Variants in TMEM131L observed in about 807,000 individuals in gnomAD.
TMEM131L encodes transmembrane 131 like.
Under a neutral mutation model 192.2 loss-of-function variants are expected in TMEM131L, and 54 were observed. The observed-to-expected ratio is 0.28, with a 90% confidence interval of 0.23 to 0.35. The LOEUF (loss-of-function observed/expected upper bound fraction) is 0.35, where lower values mean the gene tolerates loss of function less well. Ranked by LOEUF, TMEM131L falls within the 10% of genes least tolerant of loss-of-function variation. The pLI is 1.00. For synonymous variants in TMEM131L, 701 were observed against 704.9 expected (o/e 0.99, Z 0.09); for missense variants, 1,888 against 1,972.9 (o/e 0.96, Z 0.82).
chr4:153,514,844 G>A (rs968222415), intron 3 of TMEM131L, among the ~76,000 whole-genome samples: 3 of 150,666 alleles, frequency 2.0e-5, no homozygotes, highest in Non-Finnish European at 4.4e-5. Flanking sequence ...ATGGAGTCTC[G>A]CTCTGTCCCC....
intron 7 of TMEM131L, among the ~76,000 whole-genome samples, chr4:153,573,164 C>T (rs773163429): frequency 6.6e-6 from 1 of 152,354 alleles, no homozygotes; most frequent in Non-Finnish European, 1.5e-5. Flanking sequence ...TGAGTCCCTG[C>T]TGTCACTTTT....
chr4:153,500,808 C>T (rs1409863740), intron 3 of TMEM131L, among the ~76,000 whole-genome samples: 6 of 152,134 alleles, frequency 3.9e-5, no homozygotes, highest in South Asian at 2.1e-4. Flanking sequence ...CTCACACACG[C>T]GTGCATGCAC....
In TMEM131L at chr4:153,602,797, G is replaced by A. The variant is rs1047875783; in HGVS notation, c.2639+70G>A. 48 of 1,368,736 alleles carry A rather than the reference G, an allele frequency of 3.5e-5. No individual in the cohort carries two copies. The African/African-American group carries it at 5.1e-4, about 14-fold the overall frequency. 84.8% of individuals were successfully genotyped at this position (1,368,736 alleles called of 1,614,324 possible). ...TCATCCAGGCAAGTTGTGTGAAAAC[G>A]TGAACTGCCCGAGTGTAGTCAAAGT... On this transcript the variant is annotated intron_variant, in intron 23 of 34. Transcript: ENST00000409959.
intron 3 of TMEM131L, among the ~76,000 whole-genome samples, chr4:153,511,007 C>T (rs187620580): frequency 8.9e-4 from 135 of 152,162 alleles, no homozygotes; most frequent in African/African-American, 3.2e-3. Flanking sequence ...GACCTTTTTC[C>T]AAGGAATGCT....
chr4:153,466,555 T>C, intron 1 of TMEM131L, 34 bp downstream of exon 1: 1 of 1,289,546 alleles, frequency 7.8e-7, no homozygotes, highest in Non-Finnish European at 9.9e-7. Context: ...GCTCTGCCTC[T>C]CCACCCCGCC....
chr4:153,603,244 A>G (rs1731972588), intron 23 of TMEM131L, 59 bp from the exon 24 acceptor site: 3 of 1,427,960 alleles, frequency 2.1e-6, no homozygotes, highest in African/African-American at 2.9e-5. Flanking sequence ...TAATGAAACT[A>G]GTCTTTTGAA....
Position 153,593,863 on chromosome 4 carries a change from C to G in TMEM131L, c.1987C>G (p.Pro663Ala). ...TGEFQLTEAC[P>A]YLGTHSEESR... ...TGAATTCCAGCTCACCGAAGCTTGCCCTTACCTGGTAGGATGTTATCCTAA... is the reference window on the plus strand; with the variant it reads ...TGAATTCCAGCTCACCGAAGCTTGCGCTTACCTGGTAGGATGTTATCCTAA... The change falls in exon 19 of 35, where the codon CCT becomes GCT. Residue 663 changes from proline (P) to alanine (A), a missense_variant. By Grantham distance (27) the Pro-to-Ala change is conservative. Coordinates refer to ENST00000409959, the MANE Select transcript of TMEM131L (RefSeq NM_001131007.2). 1 of 1,610,452 alleles carries G rather than the reference C, an allele frequency of 6.2e-7. No individual in the cohort carries two copies. Among genetic ancestry groups the G allele is most frequent in the Non-Finnish European group, 8.5e-7 (1 of 1,176,754 alleles).
intron 3 of TMEM131L, among the ~76,000 whole-genome samples, chr4:153,546,878 G>C (rs1737217299): frequency 6.6e-6 from 1 of 152,242 alleles, no homozygotes; most frequent in Non-Finnish European, 1.5e-5. Context: ...AGTGAGCCGA[G>C]TTCATGCTAT....
At chr4:153,625,832 C>T (rs746643431) in intron 29 of TMEM131L, among the ~76,000 whole-genome samples, 4 of 151,496 alleles carry the variant, frequency 2.6e-5, no homozygotes, top group South Asian at 2.1e-4. Flanking sequence ...TGGTTGAACC[C>T]GGGAGGTGGA....
At chr4:153,478,879 G>A (rs1364142986) in intron 3 of TMEM131L, among the ~76,000 whole-genome samples, 2 of 148,970 alleles carry the variant, frequency 1.3e-5, no homozygotes, top group Non-Finnish European at 2.9e-5. Context: ...GCTTAATGAA[G>A]GTCAGGTGGA....
At chr4:153,619,618 T>C (rs1733245287) in intron 26 of TMEM131L, among the ~76,000 whole-genome samples, 1 of 152,272 alleles carries the variant, frequency 6.6e-6, no homozygotes, top group Non-Finnish European at 1.5e-5. Flanking sequence ...TACTGTGGTG[T>C]GCACATTGCT....
At chr4:153,495,456 C>T (rs576023687) in intron 3 of TMEM131L, among the ~76,000 whole-genome samples, 1 of 152,198 alleles carries the variant, frequency 6.6e-6, no homozygotes, top group South Asian at 2.1e-4. Flanking sequence ...CATGAGACAT[C>T]AATGAGTAGG....
intron 3 of TMEM131L, among the ~76,000 whole-genome samples, chr4:153,514,445 G>A (rs1734570618): frequency 6.6e-6 from 1 of 152,198 alleles, no homozygotes; most frequent in African/African-American, 2.4e-5. Context: ...AGGAGGGCAT[G>A]TTTTGGTTTT....
At chr4:153,540,150 A>G (rs1305131226) in intron 3 of TMEM131L, among the ~76,000 whole-genome samples, 1 of 151,122 alleles carries the variant, frequency 6.6e-6, no homozygotes, top group Non-Finnish European at 1.5e-5. Flanking sequence ...AAACCCCAAA[A>G]CAAAAAACAT....
In TMEM131L at chr4:153,629,599, C is replaced by G. The variant is rs556065481; in HGVS notation, c.4207+1912C>G. ...TCCTTAGAAGAATTATGTGAGTTGC[C>G]CATTCAAATTCCTCTCCTCCCTGGA... On this transcript the variant is annotated intron_variant, in intron 31 of 34. Transcript: ENST00000409959. Among the ~76,000 whole-genome samples the G allele has an allele frequency of 7.9e-5, 12 of 152,270 alleles. No homozygotes were observed. The South Asian group carries it at 2.5e-3, about 32-fold the overall frequency.
intron 4 of TMEM131L, among the ~76,000 whole-genome samples, chr4:153,551,775 T>C (rs1375197905): frequency 6.6e-6 from 1 of 152,202 alleles, no homozygotes; most frequent in Non-Finnish European, 1.5e-5. Flanking sequence ...TTTTTTGAGT[T>C]TTTATATTTT....
chr4:153,566,196 C>T (rs927095560), intron 7 of TMEM131L, among the ~76,000 whole-genome samples: 8 of 151,186 alleles, frequency 5.3e-5, no homozygotes, highest in East Asian at 3.9e-4. Flanking sequence ...AGTGCAGTGG[C>T]GCAATCTCGG....
At chr4:153,567,230 GAGATAAC>G (rs991323333) in intron 7 of TMEM131L, among the ~76,000 whole-genome samples, 310 of 152,318 alleles carry the variant, frequency 2.0e-3, no homozygotes, top group African/African-American at 7.2e-3. Context: ...GATGGAAAAA[GAGATAAC>G]AGAGAAAGGT....
chr4:153,496,969 T>C (rs1733218288), intron 3 of TMEM131L, among the ~76,000 whole-genome samples: 1 of 152,048 alleles, frequency 6.6e-6, no homozygotes, highest in Non-Finnish European at 1.5e-5. Context: ...CAAGCGATCC[T>C]CCCACCTCAG....
Sources: allele counts gnomAD v4.1 joint callset (sites outside exome capture counted in the v4.1 genomes callset), GRCh38; gene constraint gnomAD v4.1.1; transcripts MANE v1.5; gene names NCBI Gene and HGNC (gene_info 2026-07-23, HGNC 2026-07-21).